Variants in STN1 observed in about 807,000 individuals in gnomAD.
The protein encoded by STN1 is STN1 subunit of CST complex.
STN1 carries 29 observed loss-of-function variants against 45.5 expected under a neutral mutation model. That is an observed-to-expected ratio of 0.64 (90% CI 0.47 to 0.87). The LOEUF (loss-of-function observed/expected upper bound fraction) is 0.87, where lower values mean the gene tolerates loss of function less well. Ranked by LOEUF, STN1 falls within the 40% of genes least tolerant of loss-of-function variation. STN1 has a pLI of 0.00. For synonymous variants in STN1, 148 were observed against 159.0 expected (o/e 0.93, Z 0.52); for missense variants, 376 against 441.4 (o/e 0.85, Z 1.33).
intron 2 of STN1, 37 bp from the exon 3 acceptor site, chr10:103,910,659 G>T: frequency 1.8e-6 from 2 of 1,139,246 alleles, no homozygotes; most frequent in Non-Finnish European, 2.6e-6. Context: ...CATAATGTAT[G>T]ATTACATTTT....
chr10:103,879,267 T>C lies in STN1; in HGVS notation c.*3417A>G, dbSNP rs183813457. ...ACATGGAAGGAAACAAAACAGAGAA[T>C]TCTGCCATCATGGAACATTCTGTCT... On this transcript the variant is annotated 3_prime_UTR_variant, in exon 10 of 10. Coordinates refer to ENST00000224950, the MANE Select transcript of STN1 (RefSeq NM_024928.5). 12 of 152,630 alleles carry C rather than the reference T, an allele frequency of 7.9e-5. No individual in the cohort carries two copies. Among genetic ancestry groups the C allele is most frequent in the Non-Finnish European group, 1.6e-4 (11 of 68,304 alleles). 9.5% of individuals were successfully genotyped at this position (152,630 alleles called of 1,614,324 possible).
At position 103,882,704 on chromosome 10, in the gene STN1, G is replaced by A. The variant is rs765139782; in HGVS notation, c.1087C>T (p.His363Tyr). Reference protein sequence around the residue: ...DQSDIVSTMEHYYTAF With the variant: ...DQSDIVSTMEYYYTAF The stretch of plus-strand genomic sequence containing the variant: ...TCTGCTCAGAACGCTGTGTAGTAGT[G>A]CTCCATTGTGCTGACAATGTCACTC... The change falls in exon 10 of 10, where the codon CAC becomes TAC. Residue 363 changes from histidine to tyrosine, a missense_variant. By Grantham distance (83) the His-to-Tyr change is moderately conservative (BLOSUM62 2). Transcript: ENST00000224950. The A allele has an allele frequency of 1.5e-5, 24 of 1,613,638 alleles. No individual in the cohort carries two copies. The South Asian group carries it at 2.6e-4, about 18-fold the overall frequency.
Position 103,881,401 on chromosome 10 carries a change from T to A in STN1, c.*1283A>T, listed in dbSNP as rs1843067903. 6.6e-6 allele frequency among the ~76,000 whole-genome samples: 1 copy of A among 152,208 alleles called. No homozygotes were observed. The highest frequency in any genetic ancestry group is 1.5e-5 in the Non-Finnish European group (1 of 68,032). ...GCCCAGGACATCATTCCAGGCAGAC[T>A]CTATGCTAGGGACCCTTCTGTACAC... On this transcript the variant is annotated 3_prime_UTR_variant, in exon 10 of 10. Coordinates refer to ENST00000224950, the MANE Select transcript of STN1 (RefSeq NM_024928.5).
rs1843068960 is a variant in STN1 at position 103,881,555 on chromosome 10, C to T, written c.*1129G>A. On this transcript the variant is annotated 3_prime_UTR_variant, in exon 10 of 10. Transcript: ENST00000224950. ...CTCAGCCTGACGTATCGAGCTGCAG[C>T]GGACTTCTGCGTATAAAGACTGTCC... Among the ~76,000 whole-genome samples, 1 of 152,174 alleles carries T rather than the reference C, an allele frequency of 6.6e-6. No homozygotes were observed. The highest frequency in any genetic ancestry group is 2.4e-5 in the African/African-American group (1 of 41,434).
intron 4 of STN1, among the ~76,000 whole-genome samples, chr10:103,904,431 CAT>C (rs1232031576): frequency 6.9e-6 from 1 of 145,550 alleles, no homozygotes; most frequent in African/African-American, 2.5e-5. Context: ...GCCCTGGAAA[CAT>C]AGTGAGAACC....
chr10:103,884,957 T>A (rs1843093867), intron 9 of STN1, among the ~76,000 whole-genome samples: 1 of 152,202 alleles, frequency 6.6e-6, no homozygotes. Flanking sequence ...ATAGACTTCC[T>A]GAACACCTAC....
In STN1 at chr10:103,892,105, AAAAGTT is replaced by A. The variant is rs746057087; in HGVS notation, c.876+19_876+24del. 2.4e-5 allele frequency: 37 copies of A among 1,554,010 alleles called. No homozygotes were observed. Among genetic ancestry groups the A allele is most frequent in the African/African-American group, 4.2e-5 (3 of 72,068 alleles). On this transcript the variant is annotated intron_variant, in intron 8 of 9. Coordinates refer to ENST00000224950, the MANE Select transcript of STN1 (RefSeq NM_024928.5). ...ATTTGTAATTGAAGCTACAAAGAAAAAAAGTTAAGTTGCAAGTGTCTTACATAGTAT... is the reference window on the plus strand; with the variant it reads ...ATTTGTAATTGAAGCTACAAAGAAAAAAGTTGCAAGTGTCTTACATAGTAT...
intron 7 of STN1, among the ~76,000 whole-genome samples, chr10:103,893,348 T>G (rs1417428669): frequency 2.6e-5 from 4 of 152,038 alleles, no homozygotes; most frequent in Admixed American, 1.3e-4. Flanking sequence ...TTTTGTATTT[T>G]TAGTAGAGAC....
rs181487900 is a variant in STN1, at chr10:103,885,918, A to G, written c.950-3077T>C. On this transcript the variant is annotated intron_variant, in intron 9 of 9. Coordinates refer to ENST00000224950, the MANE Select transcript of STN1 (RefSeq NM_024928.5). ...CTTATATTTTCCCAAGAACTTTCAC[A>G]TGTAGCCTGATTCATACTATACCCC... Among the ~76,000 whole-genome samples, 4 of 152,290 alleles carry G rather than the reference A, an allele frequency of 2.6e-5. No individual in the cohort carries two copies. In the East Asian group the frequency reaches 5.8e-4, roughly 22 times the overall value.
intron 2 of STN1, among the ~76,000 whole-genome samples, chr10:103,914,111 C>A (rs146946831): frequency 6.6e-6 from 1 of 152,126 alleles, no homozygotes; most frequent in East Asian, 1.9e-4. Flanking sequence ...TGTTTGACAG[C>A]ATTAAAACAC....
At chr10:103,917,382 CCTCTAATCCCAGCTTT>C in intron 2 of STN1, 64 bp downstream of exon 2, 2 of 1,416,390 alleles carry the variant, frequency 1.4e-6, no homozygotes, top group South Asian at 2.7e-5. Flanking sequence ...CTCCTAAAAG[CCTCTAATCCCAGCTTT>C]CTGAGACTTT....
intron 6 of STN1, among the ~76,000 whole-genome samples, chr10:103,898,674 C>T (rs1273265199): frequency 6.6e-6 from 1 of 152,206 alleles, no homozygotes; most frequent in Non-Finnish European, 1.5e-5. Flanking sequence ...TCACGACAAC[C>T]CTAGGACATC....
At chr10:103,904,885 G>C (rs1843230510) in intron 4 of STN1, among the ~76,000 whole-genome samples, 3 of 152,224 alleles carry the variant, frequency 2.0e-5, no homozygotes, top group Non-Finnish European at 4.4e-5. Flanking sequence ...GAGCACCAAA[G>C]AGATGGGAGA....
At chr10:103,902,372 A>G (rs147491158) in intron 4 of STN1, among the ~76,000 whole-genome samples, 1 of 152,338 alleles carries the variant, frequency 6.6e-6, no homozygotes, top group African/African-American at 2.4e-5. Context: ...ATTATAGGTG[A>G]TAATAAATGC....
At chr10:103,909,502 G>GTACA (rs1843274394) in intron 3 of STN1, among the ~76,000 whole-genome samples, 3 of 41,880 alleles carry the variant, frequency 7.2e-5, no homozygotes, top group Admixed American at 7.5e-4. Flanking sequence ...GTGTGTATAT[G>GTACA]TATATATGTA....
chr10:103,913,375 A>T (rs1843304218), intron 2 of STN1, among the ~76,000 whole-genome samples: 2 of 152,192 alleles, frequency 1.3e-5, no homozygotes, highest in African/African-American at 4.8e-5. Flanking sequence ...TCACGGACTG[A>T]CAACAATGAC....
intron 7 of STN1, among the ~76,000 whole-genome samples, chr10:103,896,624 C>CT (rs796098851): frequency 6.0e-4 from 89 of 147,638 alleles, no homozygotes; most frequent in African/African-American, 1.6e-3. Flanking sequence ...ATAACTTTTT[C>CT]TTTTTTTTTT....
At chr10:103,908,114 G>A (rs1843254946) in intron 3 of STN1, among the ~76,000 whole-genome samples, 1 of 142,118 alleles carries the variant, frequency 7.0e-6, no homozygotes, top group Non-Finnish European at 1.6e-5. Context: ...GGGCCACAGA[G>A]CGAGACTCCA....
chr10:103,897,441 C>G (rs1343192553), intron 7 of STN1, 107 bp downstream of exon 7: 6 of 999,244 alleles, frequency 6.0e-6, no homozygotes, highest in African/African-American at 1.6e-5. Flanking sequence ...CCTCCGTTCC[C>G]TGGGTCAACT....
Sources: allele counts gnomAD v4.1 joint callset (sites outside exome capture counted in the v4.1 genomes callset), GRCh38; gene constraint gnomAD v4.1.1; transcripts MANE v1.5; gene names NCBI Gene and HGNC (gene_info 2026-07-23, HGNC 2026-07-21).